HTR4: variants seen among roughly 807,000 people sequenced by gnomAD.
HTR4 encodes the protein 5-hydroxytryptamine receptor 4.
Under a neutral mutation model 36.8 loss-of-function variants are expected in HTR4, and 16 were observed. The ratio of observed to expected loss-of-function variants is 0.43; its 90% CI spans 0.29 to 0.66. The LOEUF (loss-of-function observed/expected upper bound fraction) is 0.66. Among genes scored for constraint, HTR4 ranks in the 30% least tolerant of loss-of-function variants. The pLI is 0.13. For synonymous variants in HTR4, 189 were observed against 185.1 expected (o/e 1.02, Z -0.17); for missense variants, 438 against 490.9 (o/e 0.89, Z 1.02).
At chr5:148,540,404 A>G (rs1430280529) in intron 4 of HTR4, among the ~76,000 whole-genome samples, 822 of 13,024 alleles carry the variant, frequency 0.063, 14 homozygotes, top group East Asian at 0.16. Context: ...GTGTGTGTAT[A>G]TATATATATA....
intron 4 of HTR4, among the ~76,000 whole-genome samples, chr5:148,544,480 C>A (rs1759285697): frequency 6.6e-6 from 1 of 152,104 alleles, no homozygotes; most frequent in Non-Finnish European, 1.5e-5. Flanking sequence ...TAGGACAACA[C>A]ACGTCATTAT....
rs535923373 is a variant in HTR4 at position 148,618,213 on chromosome 5, G to A, written c.26+18776C>T. 7.9e-5 allele frequency among the ~76,000 whole-genome samples: 12 copies of A among 152,262 alleles called. No homozygotes were observed. In the South Asian group the frequency reaches 2.5e-3, roughly 32 times the overall value. On this transcript the variant is annotated intron_variant, in intron 2 of 6. Coordinates refer to ENST00000377888, the MANE Select transcript of HTR4 (RefSeq NM_000870.7). The stretch of plus-strand genomic sequence containing the variant: ...ACCTGGAGAACATGCCCACTCTGAA[G>A]CCTGATGACACAGTTCACCCCACCC...
At chr5:148,623,547 T>C (rs1256724689) in intron 2 of HTR4, among the ~76,000 whole-genome samples, 1 of 152,184 alleles carries the variant, frequency 6.6e-6, no homozygotes, top group Non-Finnish European at 1.5e-5. Flanking sequence ...ACGATCTCAC[T>C]GTTGTTGCTT....
chr5:148,496,039 G>T (rs1756670025), intron 6 of HTR4, among the ~76,000 whole-genome samples: 1 of 152,194 alleles, frequency 6.6e-6, no homozygotes, highest in Admixed American at 6.5e-5. Context: ...GGCGGAGGTT[G>T]CAGTAAGCCG....
chr5:148,483,052 A>C lies in HTR4; in HGVS notation c.*151T>G. 10 of 1,464,448 alleles carry C rather than the reference A, an allele frequency of 6.8e-6. No homozygotes were observed. Among genetic ancestry groups the C allele is most frequent in the Non-Finnish European group, 8.2e-6 (9 of 1,104,092 alleles). 90.7% of individuals were successfully genotyped at this position (1,464,448 alleles called of 1,614,324 possible). On this transcript the variant is annotated 3_prime_UTR_variant, in exon 7 of 7. Transcript: ENST00000377888. ...CCAGCGCCACCTGCTGGAATCTCAGAGGAAAAGCCCAGCGAGCACCGGGTT... is the reference window on the plus strand; with the variant it reads ...CCAGCGCCACCTGCTGGAATCTCAGCGGAAAAGCCCAGCGAGCACCGGGTT...
chr5:148,492,334 C>A (rs1322414153), intron 6 of HTR4, among the ~76,000 whole-genome samples: 3 of 152,150 alleles, frequency 2.0e-5, no homozygotes, highest in African/African-American at 7.2e-5. Flanking sequence ...AAAATAACAG[C>A]CCCAACTGTT....
Position 148,493,710 on chromosome 5 carries a change from C to A in HTR4, c.1077-10417G>T, listed in dbSNP as rs187648239. 2.1e-4 allele frequency among the ~76,000 whole-genome samples: 32 copies of A among 152,080 alleles called. No individual in the cohort carries two copies. The East Asian group carries it at 2.7e-3, about 13-fold the overall frequency. The stretch of plus-strand genomic sequence containing the variant: ...AAAAGAAAGGCTTTAAATTTTAATA[C>A]CTTTAAGAACACTTTTTCCTGCCAT... On this transcript the variant is annotated intron_variant, in intron 6 of 6. Coordinates refer to ENST00000377888, the MANE Select transcript of HTR4 (RefSeq NM_000870.7).
chr5:148,475,106 C>T (rs1343412250), downstream of HTR4, among the ~76,000 whole-genome samples: 2 of 151,912 alleles, frequency 1.3e-5, no homozygotes, highest in African/African-American at 4.8e-5. Context: ...GCATTATATA[C>T]AATAATAATA....
At chr5:148,477,622 A>T (rs972856849), downstream of HTR4, among the ~76,000 whole-genome samples, 12 of 152,344 alleles carry the variant, frequency 7.9e-5, no homozygotes, top group South Asian at 6.2e-4. Flanking sequence ...TAGGAAAATG[A>T]TACTTACCTT....
chr5:148,624,208 C>T (rs541729235), intron 2 of HTR4, among the ~76,000 whole-genome samples: 1 of 152,178 alleles, frequency 6.6e-6, no homozygotes, highest in Non-Finnish European at 1.5e-5. Context: ...TGTAATAATA[C>T]CAGTATCTGT....
chr5:148,576,994 T>C (rs1760949049), intron 2 of HTR4, among the ~76,000 whole-genome samples: 2 of 152,092 alleles, frequency 1.3e-5, no homozygotes, highest in African/African-American at 4.8e-5. Context: ...TAAGAGCTTC[T>C]GCACAACAAT....
chr5:148,529,934 C>G (rs1218410495), intron 4 of HTR4, among the ~76,000 whole-genome samples: 1 of 152,064 alleles, frequency 6.6e-6, no homozygotes, highest in African/African-American at 2.4e-5. Flanking sequence ...GGCATTTTAC[C>G]CCTGCCTTAG....
intron 1 of HTR4, among the ~76,000 whole-genome samples, chr5:148,648,034 T>G (rs949443883): frequency 2.6e-5 from 4 of 152,110 alleles, no homozygotes; most frequent in African/African-American, 9.7e-5. Context: ...AATGGATTGG[T>G]GAATAGATAG....
At chr5:148,532,429 A>G (rs1165764944) in intron 4 of HTR4, among the ~76,000 whole-genome samples, 5 of 152,250 alleles carry the variant, frequency 3.3e-5, no homozygotes, top group Admixed American at 6.5e-5. Flanking sequence ...GGATTTTTAA[A>G]ATGTAATAAA....
At chr5:148,550,001 TTTTA>T (rs1338089824) in intron 3 of HTR4, 132 bp downstream of exon 3, 6 of 886,528 alleles carry the variant, frequency 6.8e-6, no homozygotes, top group Non-Finnish European at 1.0e-5. Flanking sequence ...TTTTCTCCCC[TTTTA>T]TTTTTAAAAT....
At chr5:148,559,208 A>G (rs1453436421) in intron 2 of HTR4, among the ~76,000 whole-genome samples, 2 of 152,190 alleles carry the variant, frequency 1.3e-5, no homozygotes, top group Non-Finnish European at 2.9e-5. Context: ...TCAAAATTCA[A>G]TATTGGAAAT....
chr5:148,626,488 G>C (rs1315064062), intron 2 of HTR4, among the ~76,000 whole-genome samples: 1 of 152,138 alleles, frequency 6.6e-6, no homozygotes, highest in African/African-American at 2.4e-5. Flanking sequence ...TATTAGACTC[G>C]ATTCTCACAT....
Position 148,482,550 on chromosome 5 carries a change from A to G in HTR4, c.*653T>C. 1 of 986,028 alleles carries G rather than the reference A, an allele frequency of 1.0e-6. No homozygotes were observed. The highest frequency in any genetic ancestry group is 1.2e-6 in the Non-Finnish European group (1 of 830,366). 61.1% of individuals were successfully genotyped at this position (986,028 alleles called of 1,614,324 possible). A position where few individuals can be genotyped will look rare whatever the true frequency, so the allele number is the denominator to read the frequency against. On this transcript the variant is annotated 3_prime_UTR_variant, in exon 7 of 7. Coordinates refer to ENST00000377888, the MANE Select transcript of HTR4 (RefSeq NM_000870.7). ...AAAATAAATGGAGCATGTCCTGAAG[A>G]GGAGGACAGACATTGGACATAAGGA...
intron 4 of HTR4, among the ~76,000 whole-genome samples, chr5:148,535,363 C>T (rs777096167): frequency 1.7e-4 from 26 of 152,218 alleles, no homozygotes; most frequent in East Asian, 9.6e-4. Flanking sequence ...AGTTCTCCAA[C>T]GAGAGTTCTT....
Sources: allele counts gnomAD v4.1 joint callset (sites outside exome capture counted in the v4.1 genomes callset), GRCh38; gene constraint gnomAD v4.1.1; transcripts MANE v1.5; gene names NCBI Gene and HGNC (gene_info 2026-07-23, HGNC 2026-07-21).